The following PARD3B variants were observed in gnomAD, a reference collection of about 807,000 sequenced individuals.
PARD3B encodes the protein par-3 family cell polarity regulator beta, also known as partitioning defective 3 homolog B.
PARD3B carries 103 observed loss-of-function variants against 130.2 expected under a neutral mutation model. The observed-to-expected ratio is 0.79, with a 90% CI of 0.67 to 0.93. The LOEUF (loss-of-function observed/expected upper bound fraction) is 0.93. Among genes scored for constraint, PARD3B ranks in the 40% least tolerant of loss-of-function variants. PARD3B has a pLI of 0.00. For synonymous variants in PARD3B, 583 were observed against 553.2 expected (o/e 1.05, Z -0.76); for missense variants, 1,609 against 1,499.2 (o/e 1.07, Z -1.21).
At chr2:205,418,035 A>T (rs764413069) in intron 19 of PARD3B, among the ~76,000 whole-genome samples, 1 of 151,924 alleles carries the variant, frequency 6.6e-6, no homozygotes, top group Admixed American at 6.6e-5. Flanking sequence ...ACGTTTTCTC[A>T]TATGAAAGGT....
At chr2:204,913,663 A>C (rs1362224506) in intron 2 of PARD3B, among the ~76,000 whole-genome samples, 3 of 152,214 alleles carry the variant, frequency 2.0e-5, no homozygotes, top group African/African-American at 7.2e-5. Flanking sequence ...CCTTGTAAAA[A>C]TCATCATGGA....
chr2:205,113,562 C>T lies in PARD3B; in HGVS notation c.665C>T (p.Ser222Leu). 6.2e-7 allele frequency: 1 copy of T among 1,611,762 alleles called. No individual in the cohort carries two copies. ...GGAATACATGTAGTGCCCTTCTTTT[C>T]ATCTCTGAGTGGAAGGTAAGATGTT... is the stretch of plus-strand genomic sequence containing the variant. ...PLGIHVVPFF[S>L]SLSGRILGLF... The change falls in exon 6 of 23, where the codon TCA becomes TTA. Residue 222 changes from serine to leucine, a missense_variant. Ser to Leu is a moderately radical substitution (Grantham distance 145, BLOSUM62 -2). Coordinates refer to ENST00000406610, the MANE Select transcript of PARD3B (RefSeq NM_001302769.2).
intron 4 of PARD3B, among the ~76,000 whole-genome samples, chr2:205,063,300 G>T (rs575830200): frequency 1.3e-5 from 2 of 151,722 alleles, no homozygotes; most frequent in Admixed American, 6.6e-5. Flanking sequence ...CTCAAAACAT[G>T]TACAACTATG....
chr2:205,486,837 CAG>C (rs2049462367), intron 20 of PARD3B, among the ~76,000 whole-genome samples: 1 of 152,034 alleles, frequency 6.6e-6, no homozygotes, highest in Non-Finnish European at 1.5e-5. Context: ...AGTGGGGACA[CAG>C]AGACAAACCG....
chr2:205,346,208 TA>T (rs1198582720), intron 18 of PARD3B, among the ~76,000 whole-genome samples: 3 of 147,578 alleles, frequency 2.0e-5, no homozygotes, highest in Non-Finnish European at 3.0e-5. Context: ...AATAAATAAA[TA>T]AATAAATAAA....
At chr2:205,602,782 C>G (rs569492318) in intron 22 of PARD3B, among the ~76,000 whole-genome samples, 25 of 152,000 alleles carry the variant, frequency 1.6e-4, no homozygotes, top group African/African-American at 6.0e-4. Flanking sequence ...AGCTAGTGGT[C>G]TATTTTAATA....
chr2:205,571,091 C>G (rs945898818), intron 22 of PARD3B, among the ~76,000 whole-genome samples: 5 of 152,204 alleles, frequency 3.3e-5, no homozygotes, highest in African/African-American at 1.2e-4. Context: ...GAGACTTTAG[C>G]TGCTGGTGGA....
intron 2 of PARD3B, among the ~76,000 whole-genome samples, chr2:204,868,829 G>T (rs1246934601): frequency 2.0e-5 from 3 of 152,184 alleles, no homozygotes; most frequent in Non-Finnish European, 4.4e-5. Context: ...GAGACGATCT[G>T]TCTGGACTCT....
intron 11 of PARD3B, among the ~76,000 whole-genome samples, chr2:205,164,277 G>T (rs35310703): frequency 0.14 from 21,912 of 151,940 alleles, 1,733 homozygotes; most frequent in Middle Eastern, 0.25. Flanking sequence ...TCTACCATAG[G>T]AACTATTAAA....
intron 21 of PARD3B, among the ~76,000 whole-genome samples, chr2:205,552,900 A>G (rs562410347): frequency 5.9e-5 from 9 of 152,198 alleles, no homozygotes; most frequent in Non-Finnish European, 1.2e-4. Context: ...GAAATGTGCC[A>G]TACTAACGTT....
intron 2 of PARD3B, among the ~76,000 whole-genome samples, chr2:204,813,501 C>A (rs1036339420): frequency 5.9e-5 from 9 of 152,006 alleles, no homozygotes; most frequent in Admixed American, 5.2e-4. Context: ...AAAAATGTTA[C>A]ACAAATAGTG....
chr2:205,170,781 C>CT (rs141604922), intron 11 of PARD3B, among the ~76,000 whole-genome samples: 47,869 of 142,898 alleles, frequency 0.33, 7,986 homozygotes, highest in Middle Eastern at 0.5. Flanking sequence ...TATCTCATTT[C>CT]TTTTTTTTTT....
At chr2:204,844,745 T>G (rs2044395789) in intron 2 of PARD3B, among the ~76,000 whole-genome samples, 1 of 152,152 alleles carries the variant, frequency 6.6e-6, no homozygotes, top group African/African-American at 2.4e-5. Flanking sequence ...CCCATTAAAT[T>G]ATTTGTGAGA....
At chr2:204,811,786 C>T (rs1427709930) in intron 2 of PARD3B, among the ~76,000 whole-genome samples, 7 of 151,886 alleles carry the variant, frequency 4.6e-5, no homozygotes, top group East Asian at 1.9e-4. Flanking sequence ...AATTTTTCTC[C>T]GGCCTCAGTC....
chr2:205,435,740 C>T (rs2047490239), intron 19 of PARD3B, among the ~76,000 whole-genome samples: 1 of 151,960 alleles, frequency 6.6e-6, no homozygotes, highest in South Asian at 2.1e-4. Flanking sequence ...AAATTACTTC[C>T]TTATTAACTT....
At chr2:204,843,033 G>A (rs7597714) in intron 2 of PARD3B, among the ~76,000 whole-genome samples, 1,853 of 152,160 alleles carry the variant, frequency 0.012, 47 homozygotes, top group African/African-American at 0.043. Flanking sequence ...ATGCGTGTCT[G>A]GGCCCTCCTG....
intron 18 of PARD3B, among the ~76,000 whole-genome samples, chr2:205,315,436 C>T (rs568339747): frequency 1.2e-4 from 19 of 152,128 alleles, no homozygotes; most frequent in Non-Finnish European, 2.8e-4. Flanking sequence ...TTCCCAGTTA[C>T]CTAGTGGTTC....
At position 205,020,474 on chromosome 2, in the gene PARD3B, C is replaced by T. The variant is rs115137391; in HGVS notation, c.395-27107C>T. 8.0e-3 allele frequency among the ~76,000 whole-genome samples: 1,222 copies of T among 152,190 alleles called. 16 individuals carry two copies. Among genetic ancestry groups the T allele is most frequent in the African/African-American group, 0.027 (1,134 of 41,552 alleles). The stretch of plus-strand genomic sequence containing the variant: ...TGAGTTAAATAAGAGGGTTATTCTT[C>T]TGTTCCATCTAAACTCTGCTTGGAA... On this transcript the variant is annotated intron_variant, in intron 3 of 22. Transcript: ENST00000406610.
At chr2:204,746,579 C>T (rs2040238900) in intron 2 of PARD3B, among the ~76,000 whole-genome samples, 1 of 152,170 alleles carries the variant, frequency 6.6e-6, no homozygotes. Flanking sequence ...AATGGTTGAA[C>T]TAGTTTACCT....
Sources: gnomAD v4.1 joint callset for allele counts (sites outside exome capture counted in the v4.1 genomes callset) on GRCh38, gnomAD v4.1.1 for gene constraint, MANE v1.5 for transcripts, NCBI Gene and HGNC (gene_info 2026-07-23, HGNC 2026-07-21) for gene names.